The following DENND5A variants were observed in gnomAD, a reference collection of about 807,000 sequenced individuals.
DENND5A encodes DENN domain-containing protein 5A.
In DENND5A, 64 loss-of-function variants were observed where a neutral mutation model predicts 140.3. That is an observed-to-expected ratio of 0.46 (90% CI 0.37 to 0.56). The LOEUF is 0.56. DENND5A is among the 20% of genes least tolerant of loss of function. DENND5A has a pLI of 0.00. For synonymous variants in DENND5A, 605 were observed against 607.7 expected, an observed-to-expected ratio of 1.00 and a Z score of 0.07; for missense variants, 1,292 against 1,593.8, an observed-to-expected ratio of 0.81 and a Z score of 3.22.
chr11:9,188,923 C>T (rs1172379716), intron 5 of DENND5A, among the ~76,000 whole-genome samples: 1 of 152,204 alleles, frequency 6.6e-6, no homozygotes, highest in Non-Finnish European at 1.5e-5. Flanking sequence ...CAGAAATTTA[C>T]ATAAGTAACA....
intron 5 of DENND5A, among the ~76,000 whole-genome samples, chr11:9,191,654 C>G (rs778762035): frequency 6.6e-6 from 1 of 152,112 alleles, no homozygotes; most frequent in Non-Finnish European, 1.5e-5. Context: ...TAGGGAACAA[C>G]GTTGAAAAAT....
intron 1 of DENND5A, among the ~76,000 whole-genome samples, chr11:9,229,895 A>G (rs935541990): frequency 5.0e-5 from 5 of 100,290 alleles, no homozygotes; most frequent in South Asian, 6.0e-4. Context: ...GAAAGCTCCC[A>G]TTTCTTTTTT....
intron 1 of DENND5A, among the ~76,000 whole-genome samples, chr11:9,238,880 G>C (rs1851116307): frequency 6.9e-6 from 1 of 145,184 alleles, no homozygotes; most frequent in Non-Finnish European, 1.5e-5. Flanking sequence ...TGCCCAGGAT[G>C]GAGTGCAGTG....
chr11:9,187,513 C>CA (rs1172562703), intron 5 of DENND5A, among the ~76,000 whole-genome samples: 1 of 152,032 alleles, frequency 6.6e-6, no homozygotes, highest in African/African-American at 2.4e-5. Context: ...TTCCTAATAC[C>CA]AAAAAACAGC....
Position 9,240,146 on chromosome 11 carries a change from G to A in DENND5A, c.109+24815C>T, listed in dbSNP as rs144307974. Among the ~76,000 whole-genome samples, 78 of 152,180 alleles carry A rather than the reference G, an allele frequency of 5.1e-4. 1 individual carries two copies. The highest frequency in any genetic ancestry group is 1.4e-4 in the African/African-American group (6 of 41,518). On this transcript the variant is annotated intron_variant, in intron 1 of 22. Transcript: ENST00000328194. ...TCCTAGGCTGGGCGTGGTGGCTCAC[G>A]TCTGTAATCCCAGCATTTTGGGAGG... is the stretch of plus-strand genomic sequence containing the variant.
chr11:9,253,604 A>T (rs1851820023), intron 1 of DENND5A, among the ~76,000 whole-genome samples: 2 of 152,090 alleles, frequency 1.3e-5, no homozygotes, highest in Admixed American at 1.3e-4. Context: ...CTACAAAAAA[A>T]TAATAATTAG....
At chr11:9,169,483 C>CTA (rs1427681282) in intron 10 of DENND5A, among the ~76,000 whole-genome samples, 1 of 125,038 alleles carries the variant, frequency 8.0e-6, no homozygotes, top group African/African-American at 3.2e-5. Flanking sequence ...AACTTTTTTC[C>CTA]TATATACACA....
At chr11:9,245,440 A>C (rs1461687823) in intron 1 of DENND5A, 1 of 150,330 alleles carries the variant, frequency 6.7e-6, no homozygotes, top group Admixed American at 6.7e-5. Context: ...AAAATACAAA[A>C]ATTAGCTGGG....
At chr11:9,250,683 T>C (rs981499105) in intron 1 of DENND5A, among the ~76,000 whole-genome samples, 4 of 152,176 alleles carry the variant, frequency 2.6e-5, no homozygotes, top group African/African-American at 7.2e-5. Context: ...AAAAGTACAG[T>C]GTAAAACTAC....
intron 1 of DENND5A, among the ~76,000 whole-genome samples, chr11:9,235,404 A>G (rs1182939569): frequency 6.6e-6 from 1 of 152,190 alleles, no homozygotes; most frequent in Non-Finnish European, 1.5e-5. Flanking sequence ...CACGCCTGTA[A>G]TCCCAGCACT....
At chr11:9,189,685 G>A (rs980604249) in intron 5 of DENND5A, among the ~76,000 whole-genome samples, 9 of 151,668 alleles carry the variant, frequency 5.9e-5, no homozygotes, top group African/African-American at 2.2e-4. Flanking sequence ...TTGTTGCCCA[G>A]GCTAGAGTGC....
rs114793369 is a variant in DENND5A, at chr11:9,217,433, G to C, written c.110-9801C>G. Among the ~76,000 whole-genome samples, 570 of 152,104 alleles carry C rather than the reference G, an allele frequency of 3.7e-3. 6 individuals are homozygous for C. The highest frequency in any genetic ancestry group is 0.013 in the African/African-American group (550 of 41,478). ...AGAAGCTGAGGCAGGAGAATAGCTA[G>C]AACCCAGGAGGCAGAGGGTGCAGTG... On this transcript the variant is annotated intron_variant, in intron 1 of 22. Transcript: ENST00000328194.
chr11:9,193,064 G>C (rs1490549553), intron 5 of DENND5A, among the ~76,000 whole-genome samples: 1 of 151,904 alleles, frequency 6.6e-6, no homozygotes, highest in African/African-American at 2.4e-5. Flanking sequence ...GCATCTACAA[G>C]ACATAAAAAA....
chr11:9,157,748 G>A (rs1590216028), intron 12 of DENND5A, among the ~76,000 whole-genome samples: 1 of 152,124 alleles, frequency 6.6e-6, no homozygotes, highest in African/African-American at 2.4e-5. Flanking sequence ...GGCCATTTAG[G>A]TTGATCATAA....
intron 12 of DENND5A, among the ~76,000 whole-genome samples, chr11:9,156,816 G>A (rs1847818446): frequency 6.6e-6 from 1 of 151,220 alleles, no homozygotes; most frequent in Non-Finnish European, 1.5e-5. Context: ...GAGAGAAGGG[G>A]AGGGGAGGGA....
At chr11:9,186,770 A>C (rs536977273) in intron 5 of DENND5A, among the ~76,000 whole-genome samples, 1 of 152,292 alleles carries the variant, frequency 6.6e-6, no homozygotes, top group East Asian at 1.9e-4. Context: ...GGTTGAAGTT[A>C]ATATACCCTA....
chr11:9,247,278 G>T (rs1253706126), intron 1 of DENND5A, among the ~76,000 whole-genome samples: 1 of 151,554 alleles, frequency 6.6e-6, no homozygotes, highest in South Asian at 2.1e-4. Flanking sequence ...GGGAGGCCAG[G>T]ATTTGAACAT....
rs757710217 is a variant in DENND5A, at chr11:9,206,726, G to T, written c.238C>A (p.Arg80=). Residue 80 remains arginine (R), a synonymous_variant, in exon 3 of 23, where the codon CGA becomes AGA. Coordinates refer to ENST00000328194, the MANE Select transcript of DENND5A (RefSeq NM_015213.4). ...RRTFKSKVLA[R]YPENVEWNPF... ...TTCCATTCTACGTTCTCAGGATATC[G>T]TGCAAGGACCTTAGATTTGAATGTT... The T allele has an allele frequency of 6.2e-7, 1 of 1,613,804 alleles. No individual in the cohort carries two copies. Among genetic ancestry groups the T allele is most frequent in the East Asian group, 2.2e-5 (1 of 44,852 alleles).
chr11:9,195,624 G>C (rs1416481348), intron 4 of DENND5A, among the ~76,000 whole-genome samples: 1 of 152,164 alleles, frequency 6.6e-6, no homozygotes, highest in Non-Finnish European at 1.5e-5. Flanking sequence ...AGGAAATGAG[G>C]AAGTCTCAGT....
Sources: gnomAD v4.1 joint callset for allele counts (sites outside exome capture counted in the v4.1 genomes callset) on GRCh38, gnomAD v4.1.1 for gene constraint, MANE v1.5 for transcripts, NCBI Gene and HGNC (gene_info 2026-07-23, HGNC 2026-07-21) for gene names.